The following PLEKHF1 variants were observed in gnomAD, a reference collection of about 807,000 sequenced individuals.
PLEKHF1 encodes the protein pleckstrin homology domain-containing family F member 1.
PLEKHF1 carries 1 observed loss-of-function variant against 4.1 expected under a neutral mutation model. That is an observed-to-expected ratio of 0.24 (90% CI 0.09 to 1.15). PLEKHF1 has a LOEUF of 1.15. PLEKHF1 is among the 50% of genes most tolerant of loss of function. The pLI, the probability that PLEKHF1 is intolerant of heterozygous loss-of-function variation, is 0.52. For synonymous variants in PLEKHF1, 182 were observed against 178.5 expected (o/e 1.02, Z -0.16); for missense variants, 429 against 400.6 (o/e 1.07, Z -0.60).
intron 1 of PLEKHF1, among the ~76,000 whole-genome samples, chr19:29,668,908 C>T (rs1237871172): frequency 2.0e-5 from 3 of 152,168 alleles, no homozygotes; most frequent in Non-Finnish European, 4.4e-5. Context: ...CAACCTGGGA[C>T]CCTCTGCAGG....
Position 29,674,718 on chromosome 19 carries a change from A to G in PLEKHF1, c.*39A>G. 6.4e-7 allele frequency: 1 copy of G among 1,556,916 alleles called. No homozygotes were observed. Among genetic ancestry groups the G allele is most frequent in the Non-Finnish European group, 8.7e-7 (1 of 1,149,058 alleles). On this transcript the variant is annotated 3_prime_UTR_variant, in exon 2 of 2. Transcript: ENST00000436066. Reference sequence around the variant, plus strand: ...GAACATCTGTCCCCAAGCCAGCTCCACTGCCCAGGCCCCCAAGAGGGCAGC... The same window carrying G: ...GAACATCTGTCCCCAAGCCAGCTCCGCTGCCCAGGCCCCCAAGAGGGCAGC...
At chr19:29,670,170 G>C (rs1180453939) in intron 1 of PLEKHF1, among the ~76,000 whole-genome samples, 1 of 152,142 alleles carries the variant, frequency 6.6e-6, no homozygotes, top group East Asian at 1.9e-4. Flanking sequence ...GACCTCAAGT[G>C]ATCTGCCCGC....
Position 29,674,486 on chromosome 19 carries a change from G to C in PLEKHF1, c.647G>C (p.Arg216Pro). 1 of 1,545,794 alleles carries C rather than the reference G, an allele frequency of 6.5e-7. No individual in the cohort carries two copies. Among genetic ancestry groups the C allele is most frequent in the Non-Finnish European group, 8.7e-7 (1 of 1,148,540 alleles). ...LCYRELAAQQ[R>P]QEEAEEQGAG... ...TACCGCGAACTGGCCGCCCAGCAGC[G>C]GCAGGAGGAGGCGGAGGAGCAGGGC... Residue 216 changes from arginine to proline, a missense_variant, in exon 2 of 2, where the codon CGG (arginine) becomes CCG (proline). By Grantham distance (103) the Arg-to-Pro change is moderately radical. Coordinates refer to ENST00000436066, the MANE Select transcript of PLEKHF1 (RefSeq NM_024310.5).
At chr19:29,667,958 C>T (rs1216551985) in intron 1 of PLEKHF1, among the ~76,000 whole-genome samples, 3 of 152,202 alleles carry the variant, frequency 2.0e-5, no homozygotes, top group Non-Finnish European at 4.4e-5. Context: ...TGGCAGTGGC[C>T]CAGATTTGGT....
Position 29,674,080 on chromosome 19 carries a change from C to G in PLEKHF1, c.241C>G (p.Pro81Ala). ...CAAGTACCGCAGCCAGCACATCATC[C>G]CCCTGGAGGAGGTCACACTGGAGCT... Reference protein sequence around the residue: ...KRKYRSQHIIPLEEVTLELLP... With the variant: ...KRKYRSQHIIALEEVTLELLP... Residue 81 changes from proline (P) to alanine (A), a missense_variant, in exon 2 of 2, where the codon CCC (proline) becomes GCC (alanine). Coordinates refer to ENST00000436066, the MANE Select transcript of PLEKHF1 (RefSeq NM_024310.5). 6.2e-7 allele frequency: 1 copy of G among 1,614,070 alleles called. No homozygotes were observed. Among genetic ancestry groups the G allele is most frequent in the African/African-American group, 1.3e-5 (1 of 75,072 alleles).
chr19:29,672,658 G>A (rs75893875), intron 1 of PLEKHF1, among the ~76,000 whole-genome samples: 6,617 of 152,268 alleles, frequency 0.043, 161 homozygotes, highest in South Asian at 0.066. Context: ...TCAAGGATGT[G>A]TCCTAGGTCT....
At position 29,674,195 on chromosome 19, in the gene PLEKHF1, G is replaced by T. The variant is rs1460524571; in HGVS notation, c.356G>T (p.Arg119Leu). 1 of 1,613,000 alleles carries T rather than the reference G, an allele frequency of 6.2e-7. No homozygotes were observed. Among genetic ancestry groups the T allele is most frequent in the East Asian group, 2.2e-5 (1 of 44,882 alleles). ...FVVSAASATE[R>L]QEWISHIEEC... ...GTGTCGGCCGCCTCCGCTACGGAGC[G>T]CCAGGAATGGATTAGCCACATCGAG... Residue 119 changes from arginine to leucine, a missense_variant, in exon 2 of 2, where the codon CGC becomes CTC. Transcript: ENST00000436066.
At chr19:29,672,233 C>G (rs1218663100) in intron 1 of PLEKHF1, among the ~76,000 whole-genome samples, 2 of 152,152 alleles carry the variant, frequency 1.3e-5, no homozygotes, top group African/African-American at 4.8e-5. Context: ...ATATTTTAGG[C>G]TTTGTCACCA....
intron 1 of PLEKHF1, among the ~76,000 whole-genome samples, chr19:29,668,757 C>T (rs1971597800): frequency 6.6e-6 from 1 of 151,982 alleles, no homozygotes; most frequent in African/African-American, 2.4e-5. Context: ...AAAAGCATTC[C>T]CCATCTAACT....
intron 1 of PLEKHF1, among the ~76,000 whole-genome samples, chr19:29,669,700 T>G (rs1971608532): frequency 6.6e-6 from 1 of 152,230 alleles, no homozygotes; most frequent in African/African-American, 2.4e-5. Flanking sequence ...GATATTCGGA[T>G]TTCATCGTGT....
chr19:29,666,888 G>C (rs1408624505), intron 1 of PLEKHF1: 1 of 152,288 alleles, frequency 6.6e-6, no homozygotes, highest in Non-Finnish European at 1.5e-5. Flanking sequence ...TCTCTTCCCG[G>C]AGGAGGGCCT....
At chr19:29,673,656 G>C (rs149516029) in intron 1 of PLEKHF1, among the ~76,000 whole-genome samples, 168 bp from the exon 2 acceptor site, 1 of 152,276 alleles carries the variant, frequency 6.6e-6, no homozygotes, top group African/African-American at 2.4e-5. Context: ...CCCGTCTAAG[G>C]GTCAGCTTCC....
chr19:29,668,828 G>T (rs980791827), intron 1 of PLEKHF1, among the ~76,000 whole-genome samples: 1 of 152,174 alleles, frequency 6.6e-6, no homozygotes, highest in Admixed American at 6.5e-5. Context: ...ATGTGAAGTT[G>T]TGGTCATGTA....
At position 29,674,428 on chromosome 19, in the gene PLEKHF1, TC is replaced by T; in HGVS notation, c.594del (p.Lys199SerfsTer161). ...CCAGCGCTTCCTGCTCCCGCGCCTG[TC>T]CCCCAAGCCCGTGCGCGTCTGCAGC... The part of the protein sequence containing the change: ...SRQRFLLPRL[S>X]PKPVRVCSLC... On this transcript the variant is annotated frameshift_variant, in exon 2 of 2. Coordinates refer to ENST00000436066, the MANE Select transcript of PLEKHF1 (RefSeq NM_024310.5). LOFTEE classifies it high-confidence loss of function. 6.5e-7 allele frequency: 1 copy of T among 1,530,282 alleles called. No individual in the cohort carries two copies. The highest frequency in any genetic ancestry group is 8.8e-7 in the Non-Finnish European group (1 of 1,141,732). 94.8% of individuals were successfully genotyped at this position (1,530,282 alleles called of 1,614,324 possible). A position where few individuals can be genotyped will look rare whatever the true frequency, so the allele number is the denominator to read the frequency against.
At chr19:29,668,220 G>A (rs1369352493) in intron 1 of PLEKHF1, among the ~76,000 whole-genome samples, 4 of 152,180 alleles carry the variant, frequency 2.6e-5, no homozygotes, top group Non-Finnish European at 5.9e-5. Context: ...CTGAGCCTGC[G>A]CTGGGGTCAC....
At chr19:29,670,305 C>T (rs1321914543) in intron 1 of PLEKHF1, among the ~76,000 whole-genome samples, 3 of 152,166 alleles carry the variant, frequency 2.0e-5, no homozygotes, top group Non-Finnish European at 4.4e-5. Flanking sequence ...CTGGCAGCCC[C>T]TGGCAACCAC....
In PLEKHF1 at chr19:29,673,922, C is replaced by T. The variant is rs772412793; in HGVS notation, c.83C>T (p.Pro28Leu). 9 of 1,612,982 alleles carry T rather than the reference C, an allele frequency of 5.6e-6. No homozygotes were observed. Among genetic ancestry groups the T allele is most frequent in the Non-Finnish European group, 7.6e-6 (9 of 1,179,662 alleles). ...VESCFGASGQ[P>L]LALPGRVLLG... ...AGCTGCTTCGGGGCCTCGGGGCAGC[C>T]GCTGGCGCTGCCAGGCCGAGTGCTG... Residue 28 changes from proline (P) to leucine (L), a missense_variant, in exon 2 of 2, where the codon CCG becomes CTG. Physicochemically the swap from Pro to Leu is moderately conservative, Grantham distance 98. Transcript: ENST00000436066.
In PLEKHF1 at chr19:29,674,334, C is replaced by A; in HGVS notation, c.495C>A (p.Arg165=). The A allele has an allele frequency of 6.4e-7, 1 of 1,564,358 alleles. No homozygotes were observed. Among genetic ancestry groups the A allele is most frequent in the South Asian group, 1.1e-5 (1 of 87,502 alleles). The part of the protein sequence containing the change: ...TDICMRCTQT[R]FSALTRRHHC... Reference sequence around the variant, plus strand: ...TCTGCATGCGCTGCACGCAGACGCGCTTCTCTGCCCTCACGAGGCGCCACC... The same window carrying A: ...TCTGCATGCGCTGCACGCAGACGCGATTCTCTGCCCTCACGAGGCGCCACC... The change falls in exon 2 of 2, where the codon CGC becomes CGA. Residue 165 remains arginine (R), a synonymous_variant. Transcript: ENST00000436066.
At chr19:29,673,719 G>A in intron 1 of PLEKHF1, 105 bp from the exon 2 acceptor site, 1 of 1,465,980 alleles carries the variant, frequency 6.8e-7, no homozygotes, top group Non-Finnish European at 9.2e-7. Context: ...TGCGTAGTCA[G>A]TGGGCTGCCT....
Sources: allele counts gnomAD v4.1 joint callset (sites outside exome capture counted in the v4.1 genomes callset), GRCh38; gene constraint gnomAD v4.1.1; transcripts MANE v1.5; gene names NCBI Gene and HGNC (gene_info 2026-07-23, HGNC 2026-07-21).